Variants in PLCB4 observed in about 807,000 individuals in gnomAD.
PLCB4 encodes phospholipase C beta 4.
Under a neutral mutation model 178.8 loss-of-function variants are expected in PLCB4, and 77 were observed. The observed-to-expected ratio is 0.43, with a 90% confidence interval of 0.36 to 0.52. The LOEUF is 0.52. PLCB4 is among the 20% of genes least tolerant of loss of function. The pLI is 0.00. For synonymous variants in PLCB4, 496 were observed against 490.8 expected, an observed-to-expected ratio of 1.01 and a Z score of -0.14; for missense variants, 1,024 against 1,453.4, an observed-to-expected ratio of 0.70 and a Z score of 4.80.
chr20:9,339,864 T>A (rs1323543179), intron 7 of PLCB4, among the ~76,000 whole-genome samples: 1 of 152,094 alleles, frequency 6.6e-6, no homozygotes, highest in Non-Finnish European at 1.5e-5. Flanking sequence ...GGCAAGTGAG[T>A]CTCAAAGAGA....
intron 32 of PLCB4, among the ~76,000 whole-genome samples, chr20:9,448,002 C>G (rs1411253495): frequency 6.6e-6 from 1 of 152,124 alleles, no homozygotes; most frequent in Non-Finnish European, 1.5e-5. Flanking sequence ...ATTCTTATGC[C>G]TATCTGACAC....
intron 3 of PLCB4, among the ~76,000 whole-genome samples, chr20:9,299,810 C>T (rs1374729879): frequency 6.6e-6 from 1 of 151,844 alleles, no homozygotes; most frequent in South Asian, 2.1e-4. Flanking sequence ...CCTACTTGTA[C>T]AATTACTAGA....
intron 2 of PLCB4, among the ~76,000 whole-genome samples, chr20:9,151,261 T>G (rs139532579): frequency 5.9e-5 from 9 of 152,334 alleles, no homozygotes; most frequent in African/African-American, 2.2e-4. Context: ...ATACAAATAT[T>G]ATGCCATTTT....
chr20:9,103,117 C>T lies in PLCB4; in HGVS notation c.-79+6775C>T, dbSNP rs1028209540. Among the ~76,000 whole-genome samples the T allele has an allele frequency of 7.3e-5, 11 of 151,612 alleles. 1 individual carries two copies. The highest frequency in any genetic ancestry group is 2.4e-5 in the African/African-American group (1 of 41,226). ...TCGGCTCACTGCAAGCTCCACCTCC[C>T]GGGTTCATGCCATTCCATTGTACTT... On this transcript the variant is annotated intron_variant, in intron 2 of 39. Coordinates refer to ENST00000378473, the MANE Select transcript of PLCB4 (RefSeq NM_001377142.1).
At chr20:9,408,799 T>C in intron 23 of PLCB4, 82 bp downstream of exon 23, 2 of 769,808 alleles carry the variant, frequency 2.6e-6, no homozygotes, top group South Asian at 1.4e-5. Context: ...ATGGCTAATA[T>C]CTCATTCTGG....
At chr20:9,202,899 T>C (rs1461177535) in intron 2 of PLCB4, among the ~76,000 whole-genome samples, 1 of 151,838 alleles carries the variant, frequency 6.6e-6, no homozygotes, top group East Asian at 1.9e-4. Flanking sequence ...TTCTGGGTCA[T>C]GAAAAGTTTG....
chr20:9,078,732 CCTAA>C (rs1489017210), intron 1 of PLCB4, among the ~76,000 whole-genome samples: 1 of 152,138 alleles, frequency 6.6e-6, no homozygotes, highest in Non-Finnish European at 1.5e-5. Context: ...CTGATTGATT[CCTAA>C]CTGTGTTCAG....
At chr20:9,345,488 G>A (rs1362014202) in intron 7 of PLCB4, among the ~76,000 whole-genome samples, 2 of 152,144 alleles carry the variant, frequency 1.3e-5, no homozygotes, top group Non-Finnish European at 2.9e-5. Context: ...AGTTACAGCT[G>A]GCACTGCACA....
At position 9,263,338 on chromosome 20, in the gene PLCB4, A is replaced by G. The variant is rs571761396; in HGVS notation, c.-15-44462A>G. On this transcript the variant is annotated intron_variant, in intron 3 of 39. Coordinates refer to ENST00000378473, the MANE Select transcript of PLCB4 (RefSeq NM_001377142.1). Reference sequence around the variant, plus strand: ...ATTGACCACTACCCTATGATATCTTAGCAGGTCTGGGACAGGGGACATGAT... The same window carrying G: ...ATTGACCACTACCCTATGATATCTTGGCAGGTCTGGGACAGGGGACATGAT... Among the ~76,000 whole-genome samples the G allele has an allele frequency of 6.6e-5, 10 of 152,298 alleles. No homozygotes were observed. The South Asian group carries it at 2.1e-3, about 32-fold the overall frequency.
In PLCB4 at chr20:9,307,909, G is replaced by A; in HGVS notation, c.84+11G>A. 8.8e-7 allele frequency: 1 copy of A among 1,139,016 alleles called. No homozygotes were observed. Among genetic ancestry groups the A allele is most frequent in the Non-Finnish European group, 1.3e-6 (1 of 767,098 alleles). The allele number at this position is 1,139,016 out of a possible 1,614,324, so 70.6% of individuals were successfully genotyped here. Reference sequence around the variant, plus strand: ...GACAGATACGAGGAGGTAAAGAAGTGTTATTAATCTTTTCTCTCAAAACAT... The same window carrying A: ...GACAGATACGAGGAGGTAAAGAAGTATTATTAATCTTTTCTCTCAAAACAT... On this transcript the variant is annotated intron_variant, in intron 4 of 39. Transcript: ENST00000378473.
chr20:9,445,488 CT>C (rs1320604376), intron 32 of PLCB4, among the ~76,000 whole-genome samples: 1 of 152,164 alleles, frequency 6.6e-6, no homozygotes, highest in East Asian at 1.9e-4. Flanking sequence ...CCTGTCATTT[CT>C]TTAAGAGTTT....
At chr20:9,252,540 A>G (rs2094192376) in intron 3 of PLCB4, among the ~76,000 whole-genome samples, 2 of 152,112 alleles carry the variant, frequency 1.3e-5, no homozygotes, top group African/African-American at 4.8e-5. Flanking sequence ...ACAGGCATTC[A>G]TTTTTTTAAT....
intron 1 of PLCB4, among the ~76,000 whole-genome samples, chr20:9,091,408 C>A (rs994239358): frequency 2.0e-5 from 3 of 151,892 alleles, no homozygotes; most frequent in Non-Finnish European, 2.9e-5. Context: ...ACTGAAGGTT[C>A]CTTTGAATGT....
intron 32 of PLCB4, among the ~76,000 whole-genome samples, chr20:9,452,467 G>T (rs147776760): frequency 1.3e-5 from 2 of 152,248 alleles, no homozygotes; most frequent in East Asian, 1.9e-4. Flanking sequence ...CAAGAGTAAG[G>T]TTAGGCTATA....
At chr20:9,098,030 C>T (rs144694412) in intron 2 of PLCB4, among the ~76,000 whole-genome samples, 6 of 152,198 alleles carry the variant, frequency 3.9e-5, no homozygotes, top group East Asian at 1.9e-4. Context: ...GAGATTGTTG[C>T]GAATTTGCTT....
chr20:9,084,494 C>G (rs1238756653), intron 1 of PLCB4, among the ~76,000 whole-genome samples: 1 of 125,562 alleles, frequency 8.0e-6, no homozygotes, highest in Non-Finnish European at 1.7e-5. Context: ...TTAGTTGGTG[C>G]TTTCTCTTTG....
chr20:9,250,444 C>T (rs902430653), intron 3 of PLCB4, among the ~76,000 whole-genome samples: 1 of 152,182 alleles, frequency 6.6e-6, no homozygotes, highest in African/African-American at 2.4e-5. Context: ...GTTCAGAAAG[C>T]CAAGATTTCC....
chr20:9,188,547 C>T (rs77088876), intron 2 of PLCB4, among the ~76,000 whole-genome samples: 71 of 75,944 alleles, frequency 9.3e-4, no homozygotes, highest in Middle Eastern at 6.5e-3. Flanking sequence ...GGTTGGTTAA[C>T]TGTTCATTGT....
intron 2 of PLCB4, among the ~76,000 whole-genome samples, chr20:9,178,762 T>C (rs2093196788): frequency 6.6e-6 from 1 of 152,054 alleles, no homozygotes; most frequent in African/African-American, 2.4e-5. Context: ...ATATATTTTG[T>C]TGTATATAGG....
Sources: allele counts gnomAD v4.1 joint callset (sites outside exome capture counted in the v4.1 genomes callset), GRCh38; gene constraint gnomAD v4.1.1; transcripts MANE v1.5; gene names NCBI Gene and HGNC (gene_info 2026-07-23, HGNC 2026-07-21).